The following MALRD1 variants were observed in gnomAD, a reference collection of about 807,000 sequenced individuals.
The protein encoded by MALRD1 is MAM and LDL-receptor class A domain-containing protein 1.
Under a neutral mutation model 242.1 loss-of-function variants are expected in MALRD1, and 247 were observed. The observed-to-expected ratio is 1.02, with a 90% CI of 0.92 to 1.13. MALRD1 has a LOEUF of 1.13. MALRD1 is among the 50% of genes most tolerant of loss of function. The pLI is 0.00. For synonymous variants in MALRD1, 995 were observed against 866.6 expected (o/e 1.15, Z -2.60); for missense variants, 2,989 against 2,533.1 (o/e 1.18, Z -3.86).
At chr10:19,066,529 G>T (rs950837564) in intron 1 of MALRD1, among the ~76,000 whole-genome samples, 190 bp from the exon 2 acceptor site, 2 of 152,244 alleles carry the variant, frequency 1.3e-5, no homozygotes, top group Middle Eastern at 3.4e-3. Flanking sequence ...CACTGTTTTC[G>T]TTGTGGTAAC....
At chr10:19,250,429 G>A (rs939773425) in intron 18 of MALRD1, among the ~76,000 whole-genome samples, 9 of 151,864 alleles carry the variant, frequency 5.9e-5, no homozygotes, top group Admixed American at 2.6e-4. Context: ...TATGAGATGC[G>A]AAGTGGGTTA....
At chr10:19,620,202 G>A (rs1245527377) in intron 36 of MALRD1, among the ~76,000 whole-genome samples, 2 of 151,748 alleles carry the variant, frequency 1.3e-5, no homozygotes. Flanking sequence ...TTTATTTTAG[G>A]CTCACAGGTA....
At chr10:19,187,594 A>G (rs1588671074) in intron 14 of MALRD1, among the ~76,000 whole-genome samples, 1 of 152,282 alleles carries the variant, frequency 6.6e-6, no homozygotes, top group East Asian at 1.9e-4. Flanking sequence ...AGGCTGAGGA[A>G]GAGCAGCCCA....
At chr10:19,193,406 A>G (rs1836079837) in intron 14 of MALRD1, among the ~76,000 whole-genome samples, 1 of 152,116 alleles carries the variant, frequency 6.6e-6, no homozygotes, top group African/African-American at 2.4e-5. Flanking sequence ...AAATACAAAA[A>G]TTAGCTGGGC....
intron 7 of MALRD1, among the ~76,000 whole-genome samples, chr10:19,127,838 C>T (rs1424656483): frequency 6.8e-6 from 1 of 147,924 alleles, no homozygotes; most frequent in Admixed American, 7.0e-5. Flanking sequence ...TCCAGAGGGG[C>T]AAGAATTCTG....
Position 19,292,875 on chromosome 10 carries a change from AG to A in MALRD1, c.3419+9695del, listed in dbSNP as rs1841514292. ...GCCATTGCACTCCAGCCTGGGCAAC[AG>A]AGCGAGACTCTGCCTCAAAAAAAAA... On this transcript the variant is annotated intron_variant, in intron 21 of 39. Transcript: ENST00000454679. Among the ~76,000 whole-genome samples the A allele has an allele frequency of 4.8e-5, 7 of 145,212 alleles. No homozygotes were observed. In the South Asian group the frequency reaches 1.6e-3, roughly 33 times the overall value.
chr10:19,556,393 G>T (rs1835718343), intron 32 of MALRD1, among the ~76,000 whole-genome samples: 1 of 152,148 alleles, frequency 6.6e-6, no homozygotes, highest in Admixed American at 6.5e-5. Flanking sequence ...ATGCAGAGTA[G>T]TTTCACTGCC....
At chr10:19,296,085 A>T (rs1428574352) in intron 21 of MALRD1, among the ~76,000 whole-genome samples, 1 of 152,028 alleles carries the variant, frequency 6.6e-6, no homozygotes, top group Admixed American at 6.6e-5. Flanking sequence ...ACATGGTTGT[A>T]TTTTATAAAG....
intron 28 of MALRD1, among the ~76,000 whole-genome samples, chr10:19,392,528 A>G (rs1017921298): frequency 5.3e-5 from 8 of 152,246 alleles, no homozygotes; most frequent in African/African-American, 1.7e-4. Flanking sequence ...ATTCAGAGAA[A>G]CCTCAACAAA....
chr10:19,658,361 A>T (rs1013461272), intron 36 of MALRD1, among the ~76,000 whole-genome samples: 1 of 152,122 alleles, frequency 6.6e-6, no homozygotes, highest in Non-Finnish European at 1.5e-5. Context: ...GATCTGAAAA[A>T]AATAATGCAT....
At chr10:19,423,151 A>T (rs1412486176) in intron 28 of MALRD1, among the ~76,000 whole-genome samples, 1 of 152,174 alleles carries the variant, frequency 6.6e-6, no homozygotes, top group African/African-American at 2.4e-5. Context: ...TTTGAGGATC[A>T]TCTAAATCTT....
intron 28 of MALRD1, among the ~76,000 whole-genome samples, chr10:19,398,561 C>A (rs1846689281): frequency 6.6e-6 from 1 of 152,080 alleles, no homozygotes; most frequent in Non-Finnish European, 1.5e-5. Context: ...TACCTGTGAT[C>A]TGTTGCCTGT....
In MALRD1 at chr10:19,734,225, T is replaced by A. The variant is rs1835405298; in HGVS notation, c.6459T>A (p.His2153Gln). The change falls in exon 40 of 40, where the codon CAT becomes CAA. Residue 2153 changes from histidine (H) to glutamine (Q), a missense_variant. Transcript: ENST00000454679. ...TTSGSLETLS[H>Q]HLK ...CAGGAAGCCTGGAGACCCTGTCACATCATCTCAAATAGCAGCATCGAGACC... is the reference window on the plus strand; with the variant it reads ...CAGGAAGCCTGGAGACCCTGTCACAACATCTCAAATAGCAGCATCGAGACC... 1 of 1,535,664 alleles carries A rather than the reference T, an allele frequency of 6.5e-7. No homozygotes were observed. Among genetic ancestry groups the A allele is most frequent in the African/African-American group, 1.4e-5 (1 of 73,148 alleles).
chr10:19,616,100 T>A (rs1215572673), intron 36 of MALRD1, among the ~76,000 whole-genome samples, 177 bp downstream of exon 36: 1 of 152,006 alleles, frequency 6.6e-6, no homozygotes, highest in African/African-American at 2.4e-5. Context: ...TGTGAGTGCA[T>A]TTTAGAGAAA....
intron 36 of MALRD1, among the ~76,000 whole-genome samples, chr10:19,675,934 T>C (rs10764125): frequency 0.12 from 18,076 of 152,178 alleles, 1,809 homozygotes; most frequent in African/African-American, 0.27. Context: ...AAAGCACAGG[T>C]ACAAAGAAAG....
intron 28 of MALRD1, among the ~76,000 whole-genome samples, chr10:19,422,251 G>A (rs1479986586): frequency 6.6e-6 from 1 of 152,122 alleles, no homozygotes; most frequent in Non-Finnish European, 1.5e-5. Flanking sequence ...CAGTACCTTT[G>A]CAATTTTATG....
chr10:19,694,028 G>C (rs552010460), intron 38 of MALRD1, among the ~76,000 whole-genome samples: 25 of 152,248 alleles, frequency 1.6e-4, no homozygotes, highest in East Asian at 3.9e-4. Context: ...GCCATATGTA[G>C]AAAGCTGAAA....
At chr10:19,129,397 G>C (rs185850343) in intron 8 of MALRD1, among the ~76,000 whole-genome samples, 1 of 152,134 alleles carries the variant, frequency 6.6e-6, no homozygotes, top group Non-Finnish European at 1.5e-5. Flanking sequence ...GGGAAGAGGG[G>C]TGGTGCTTCT....
At chr10:19,463,655 C>G (rs1261608411) in intron 29 of MALRD1, among the ~76,000 whole-genome samples, 3 of 151,846 alleles carry the variant, frequency 2.0e-5, no homozygotes, top group Non-Finnish European at 2.9e-5. Flanking sequence ...TTGAAACTGT[C>G]AACTGTGCTG....
Sources: gnomAD v4.1 joint callset for allele counts (sites outside exome capture counted in the v4.1 genomes callset) on GRCh38, gnomAD v4.1.1 for gene constraint, MANE v1.5 for transcripts, NCBI Gene and HGNC (gene_info 2026-07-23, HGNC 2026-07-21) for gene names.